The following MYOM2 variants were observed in gnomAD, a reference collection of about 807,000 sequenced individuals.
MYOM2 encodes the protein myomesin-2.
Under a neutral mutation model 187.6 loss-of-function variants are expected in MYOM2, and 254 were observed. The ratio of observed to expected loss-of-function variants is 1.35; its 90% CI spans 1.22 to 1.50. The LOEUF is 1.50. Among genes scored for constraint, MYOM2 ranks in the 40% most tolerant of loss-of-function variants. MYOM2 has a pLI of 0.00. For synonymous variants in MYOM2, 981 were observed against 753.8 expected, an observed-to-expected ratio of 1.30 and a Z score of -4.94; for missense variants, 2,796 against 1,924.0, an observed-to-expected ratio of 1.45 and a Z score of -8.48.
chr8:2,100,980 G>A lies in MYOM2; in HGVS notation c.2545G>A (p.Val849Met), dbSNP rs768644682. ...CAGCAGCCCTGTTTCTGGATATTTCGTGGACTTCAGGGAGGAGGATGCTGG... is the reference window on the plus strand; with the variant it reads ...CAGCAGCCCTGTTTCTGGATATTTCATGGACTTCAGGGAGGAGGATGCTGG... Reference protein sequence around the residue: ...SGSSPVSGYFVDFREEDAGEW... With the variant: ...SGSSPVSGYFMDFREEDAGEW... Residue 849 changes from valine to methionine, a missense_variant, in exon 20 of 37, where the codon GTG becomes ATG. By Grantham distance (21) the Val-to-Met change is conservative. Transcript: ENST00000262113. The A allele has an allele frequency of 2.9e-5, 47 of 1,614,072 alleles. No homozygotes were observed. The highest frequency in any genetic ancestry group is 2.7e-5 in the African/African-American group (2 of 74,928).
At chr8:2,064,037 G>A (rs557111813) in intron 6 of MYOM2, among the ~76,000 whole-genome samples, 12 of 152,330 alleles carry the variant, frequency 7.9e-5, no homozygotes, top group Non-Finnish European at 1.5e-4. Flanking sequence ...AGGAAGACGG[G>A]GGTCCTTTGG....
rs757636315 is a variant in MYOM2 at position 2,050,746 on chromosome 8, T to C, written c.-12-9T>C. 6.4e-7 allele frequency: 1 copy of C among 1,557,764 alleles called. No individual in the cohort carries two copies. The highest frequency in any genetic ancestry group is 1.1e-5 in the South Asian group (1 of 89,634). On this transcript the variant is annotated splice_polypyrimidine_tract_variant and intron_variant, in intron 1 of 36. Transcript: ENST00000262113. ...GGGAGCTCAGTGTTGTGTGTGACTC[T>C]CTTTGTAGGAGCACGCCAAGATGTC... is the stretch of plus-strand genomic sequence containing the variant.
At chr8:2,118,018 C>A in intron 28 of MYOM2, 66 bp downstream of exon 28, 1 of 1,402,672 alleles carries the variant, frequency 7.1e-7, no homozygotes, top group Non-Finnish European at 1.0e-6. Flanking sequence ...AGAGGCCTTT[C>A]AGGGAGTAGC....
At chr8:2,081,591 C>T (rs1242651460) in intron 13 of MYOM2, among the ~76,000 whole-genome samples, 1 of 152,228 alleles carries the variant, frequency 6.6e-6, no homozygotes, top group Non-Finnish European at 1.5e-5. Context: ...TTATAAATGT[C>T]ACTTATCTGT....
chr8:2,124,087 C>A, intron 30 of MYOM2, 92 bp from the exon 31 acceptor site: 1 of 1,281,756 alleles, frequency 7.8e-7, no homozygotes, highest in Non-Finnish European at 1.1e-6. Flanking sequence ...CTGAACATCA[C>A]AATTTCCTGC....
chr8:2,073,651 CAG>C, intron 10 of MYOM2, 151 bp downstream of exon 10: 1 of 892,680 alleles, frequency 1.1e-6, no homozygotes, highest in South Asian at 2.1e-5. Flanking sequence ...GATTTTCCCT[CAG>C]TGCATGGGCA....
At chr8:2,065,362 A>C (rs1270830862) in intron 6 of MYOM2, among the ~76,000 whole-genome samples, 1 of 152,156 alleles carries the variant, frequency 6.6e-6, no homozygotes, top group East Asian at 1.9e-4. Context: ...CGAGGTCAGG[A>C]GTTTGAGACC....
At chr8:2,122,014 C>G (rs1485914932) in intron 28 of MYOM2, among the ~76,000 whole-genome samples, 1 of 152,110 alleles carries the variant, frequency 6.6e-6, no homozygotes. Flanking sequence ...ACATTAATTA[C>G]AGATATTTAT....
chr8:2,114,849 T>C (rs1252449560), intron 25 of MYOM2, among the ~76,000 whole-genome samples: 6 of 152,168 alleles, frequency 3.9e-5, no homozygotes, highest in Non-Finnish European at 8.8e-5. Context: ...TGCCTCAGCC[T>C]TCCCTGTAGC....
chr8:2,066,860 T>C (rs1248598771), intron 6 of MYOM2, among the ~76,000 whole-genome samples: 1 of 152,238 alleles, frequency 6.6e-6, no homozygotes, highest in South Asian at 2.1e-4. Context: ...GATCTGGAAA[T>C]AGGACAGCAG....
chr8:2,079,571 G>A lies in MYOM2; in HGVS notation c.1474G>A (p.Glu492Lys), dbSNP rs776364079. 5.6e-6 allele frequency: 9 copies of A among 1,614,178 alleles called. No individual in the cohort carries two copies. Among genetic ancestry groups the A allele is most frequent in the Middle Eastern group, 1.6e-4 (1 of 6,062 alleles). The change falls in exon 13 of 37, where the codon GAG (glutamate) becomes AAG (lysine). Residue 492 changes from glutamate to lysine, a missense_variant. Coordinates refer to ENST00000262113, the MANE Select transcript of MYOM2 (RefSeq NM_003970.4). ...CTTTCTCTCCGCAGCCGTTCATTTG[G>A]AGGGAGAGAAGGAGATTGCCATTTA... Reference protein sequence around the residue: ...DLRRLQAVHLEGEKEIAIYQD... With the variant: ...DLRRLQAVHLKGEKEIAIYQD...
chr8:2,064,363 G>A (rs1344235459), intron 6 of MYOM2, among the ~76,000 whole-genome samples: 3 of 152,230 alleles, frequency 2.0e-5, no homozygotes, highest in African/African-American at 7.2e-5. Flanking sequence ...ACCATAAACA[G>A]AAGGCCTAAC....
At chr8:2,079,959 T>C (rs979882804) in intron 13 of MYOM2, among the ~76,000 whole-genome samples, 5 of 152,300 alleles carry the variant, frequency 3.3e-5, no homozygotes, top group South Asian at 4.1e-4. Flanking sequence ...TTCTCACAGA[T>C]TGCATTGTGA....
intron 18 of MYOM2, among the ~76,000 whole-genome samples, chr8:2,098,293 G>A (rs908977279): frequency 6.6e-6 from 1 of 152,166 alleles, no homozygotes; most frequent in African/African-American, 2.4e-5. Context: ...GGCCTCCCTG[G>A]TGCTTTGTCC....
At chr8:2,124,796 G>C (rs541563569) in intron 31 of MYOM2, among the ~76,000 whole-genome samples, 1 of 152,260 alleles carries the variant, frequency 6.6e-6, no homozygotes, top group East Asian at 1.9e-4. Flanking sequence ...TAACAGGTGT[G>C]AGATGATATC....
intron 14 of MYOM2, among the ~76,000 whole-genome samples, chr8:2,087,826 G>T (rs563228494): frequency 6.6e-6 from 1 of 152,162 alleles, no homozygotes; most frequent in East Asian, 1.9e-4. Flanking sequence ...TCGCCATGTT[G>T]CCCAGGCTGG....
In MYOM2 at chr8:2,057,459, G is replaced by T. The variant is rs780308801; in HGVS notation, c.375G>T (p.Lys125Asn). ...TGGCACGCTCCCAGGCCCGCGACAA[G>T]CTGGACAAATACGCCATTCAGCAGA... The part of the protein sequence containing the change: ...VHLARSQARD[K>N]LDKYAIQQMM... Residue 125 changes from lysine to asparagine, a missense_variant, in exon 4 of 37, where the codon AAG (lysine) becomes AAT (asparagine). Transcript: ENST00000262113. The T allele has an allele frequency of 1.2e-6, 2 of 1,614,000 alleles. No homozygotes were observed. Among genetic ancestry groups the T allele is most frequent in the Non-Finnish European group, 1.7e-6 (2 of 1,180,012 alleles).
chr8:2,137,630 C>G (rs532487796), intron 32 of MYOM2, among the ~76,000 whole-genome samples: 1 of 152,120 alleles, frequency 6.6e-6, no homozygotes, highest in South Asian at 2.1e-4. Flanking sequence ...GAGAGGGTGA[C>G]AAGATGACTA....
chr8:2,123,741 G>A, intron 30 of MYOM2, 99 bp downstream of exon 30: 1 of 1,006,028 alleles, frequency 9.9e-7, no homozygotes, highest in Non-Finnish European at 1.5e-6. Flanking sequence ...CTCAGCTATA[G>A]CACACATTGT....
Sources: gnomAD v4.1 joint callset for allele counts (sites outside exome capture counted in the v4.1 genomes callset) on GRCh38, gnomAD v4.1.1 for gene constraint, MANE v1.5 for transcripts, NCBI Gene and HGNC (gene_info 2026-07-23, HGNC 2026-07-21) for gene names.